Variants in IGSF11 observed in about 807,000 individuals in gnomAD.
IGSF11 encodes the protein CXADR like 1.
Under a neutral mutation model 41.0 loss-of-function variants are expected in IGSF11, and 22 were observed. The observed-to-expected ratio is 0.54, with a 90% CI of 0.38 to 0.77. IGSF11 has a LOEUF of 0.77. IGSF11 is among the 30% of genes least tolerant of loss of function. IGSF11 has a pLI of 0.00. For missense variants in IGSF11, 444 were observed against 530.8 expected, an observed-to-expected ratio of 0.84 and a Z score of 1.61; for synonymous variants, 219 against 201.3, an observed-to-expected ratio of 1.09 and a Z score of -0.74.
At chr3:119,126,131 G>A (rs927729475) in intron 1 of IGSF11, among the ~76,000 whole-genome samples, 4 of 152,222 alleles carry the variant, frequency 2.6e-5, no homozygotes, top group African/African-American at 4.8e-5. Context: ...TGCTCCCTGC[G>A]TGGGAGAAGA....
chr3:119,092,978 C>A (rs959637130), intron 1 of IGSF11, among the ~76,000 whole-genome samples: 2 of 152,162 alleles, frequency 1.3e-5, no homozygotes, highest in East Asian at 3.8e-4. Flanking sequence ...GTATGGTAGA[C>A]TATCCCATCG....
At chr3:119,095,953 T>C (rs2076842422) in intron 1 of IGSF11, among the ~76,000 whole-genome samples, 2 of 152,234 alleles carry the variant, frequency 1.3e-5, no homozygotes, top group African/African-American at 4.8e-5. Context: ...TATAAACTTC[T>C]TTATTTTTTA....
intron 4 of IGSF11, among the ~76,000 whole-genome samples, chr3:118,923,440 T>C (rs538655646): frequency 6.6e-5 from 10 of 152,318 alleles, no homozygotes; most frequent in Non-Finnish European, 1.5e-4. Flanking sequence ...CGTATCAAAG[T>C]CGAGAAATTT....
At chr3:119,097,983 T>TTG (rs1384087609) in intron 1 of IGSF11, among the ~76,000 whole-genome samples, 1 of 142,668 alleles carries the variant, frequency 7.0e-6, no homozygotes, top group Non-Finnish European at 1.5e-5. Flanking sequence ...TTTTTTTTTT[T>TTG]TTTAGAGACA....
At chr3:118,932,952 T>C (rs1942973756) in intron 1 of IGSF11, among the ~76,000 whole-genome samples, 1 of 152,034 alleles carries the variant, frequency 6.6e-6, no homozygotes, top group South Asian at 2.1e-4. Flanking sequence ...GAACTAAGAA[T>C]GAAAGAGAAA....
intron 1 of IGSF11, among the ~76,000 whole-genome samples, chr3:118,977,322 T>C (rs1264351546): frequency 6.6e-6 from 1 of 152,164 alleles, no homozygotes; most frequent in East Asian, 1.9e-4. Flanking sequence ...TGCAGGGCCC[T>C]TGTGGCTAAG....
At chr3:119,004,448 G>T (rs1285375740) in intron 1 of IGSF11, among the ~76,000 whole-genome samples, 1 of 151,514 alleles carries the variant, frequency 6.6e-6, no homozygotes, top group Non-Finnish European at 1.5e-5. Flanking sequence ...AGGGTTTTGT[G>T]TGTCACTATT....
intron 1 of IGSF11, among the ~76,000 whole-genome samples, chr3:119,063,520 GA>G (rs145914292): frequency 0.026 from 3,919 of 151,048 alleles, 144 homozygotes; most frequent in African/African-American, 0.089. Context: ...CAGGTACCTA[GA>G]AAAAAAAATG....
At chr3:119,124,040 A>G (rs1198521909) in intron 1 of IGSF11, among the ~76,000 whole-genome samples, 2 of 152,170 alleles carry the variant, frequency 1.3e-5, no homozygotes, top group African/African-American at 2.4e-5. Context: ...AATCCTGGAG[A>G]AACAGAGATA....
chr3:119,139,410 T>A (rs2077608460), intron 1 of IGSF11, among the ~76,000 whole-genome samples: 2 of 152,196 alleles, frequency 1.3e-5, no homozygotes, highest in South Asian at 4.1e-4. Context: ...CTCCCATAAT[T>A]CCCACGTGTT....
At chr3:118,911,341 G>T (rs1464434982) in intron 4 of IGSF11, among the ~76,000 whole-genome samples, 2 of 152,138 alleles carry the variant, frequency 1.3e-5, no homozygotes, top group Admixed American at 1.3e-4. Context: ...AGCACTTTTA[G>T]TGGGTGAAAA....
intron 1 of IGSF11, among the ~76,000 whole-genome samples, chr3:118,939,575 C>CA (rs34558286): frequency 0.31 from 42,257 of 137,248 alleles, 7,640 homozygotes; most frequent in African/African-American, 0.52. Context: ...GACTCCGTCT[C>CA]AAAAAAAAAA....
intron 1 of IGSF11, among the ~76,000 whole-genome samples, chr3:118,932,672 T>C (rs1039259842): frequency 2.0e-5 from 3 of 152,104 alleles, no homozygotes; most frequent in African/African-American, 7.2e-5. Flanking sequence ...CCTCATAAGG[T>C]AGAAATGGGT....
At chr3:119,042,496 G>T (rs2160051) in intron 1 of IGSF11, among the ~76,000 whole-genome samples, 26,045 of 152,116 alleles carry the variant, frequency 0.17, 2,673 homozygotes, top group South Asian at 0.29. Flanking sequence ...GTCACTGCTG[G>T]CTTTCCCCCA....
chr3:118,925,349 G>T (rs536966908), intron 4 of IGSF11, among the ~76,000 whole-genome samples: 19 of 152,214 alleles, frequency 1.2e-4, no homozygotes, highest in African/African-American at 4.6e-4. Context: ...ACACTTTATG[G>T]TTAACTTTCA....
chr3:119,087,318 C>A (rs941359529), intron 1 of IGSF11, among the ~76,000 whole-genome samples: 2 of 151,660 alleles, frequency 1.3e-5, no homozygotes, highest in East Asian at 3.9e-4. Flanking sequence ...TGCAAAAATA[C>A]GGAACTAGCC....
intron 1 of IGSF11, among the ~76,000 whole-genome samples, chr3:119,049,549 A>G (rs1389168420): frequency 6.6e-6 from 1 of 151,574 alleles, no homozygotes; most frequent in Non-Finnish European, 1.5e-5. Context: ...GGAAGAATCA[A>G]TATCGTGAAA....
chr3:119,131,410 C>A (rs1378658857), intron 1 of IGSF11, among the ~76,000 whole-genome samples: 2 of 152,060 alleles, frequency 1.3e-5, no homozygotes, highest in Non-Finnish European at 2.9e-5. Flanking sequence ...GATGCGTACA[C>A]AAGCTTCACA....
At chr3:119,077,551 G>A (rs1442244249) in intron 1 of IGSF11, among the ~76,000 whole-genome samples, 1 of 152,024 alleles carries the variant, frequency 6.6e-6, no homozygotes, top group Non-Finnish European at 1.5e-5. Flanking sequence ...AGCCATCTAT[G>A]ACAAACCCAC....
Sources: allele counts gnomAD v4.1 joint callset (sites outside exome capture counted in the v4.1 genomes callset), GRCh38; gene constraint gnomAD v4.1.1; transcripts MANE v1.5; gene names NCBI Gene and HGNC (gene_info 2026-07-23, HGNC 2026-07-21).